MED12L: variants seen among roughly 807,000 people sequenced by gnomAD.
The protein encoded by MED12L is mediator complex subunit 12L.
Under a neutral mutation model 281.3 loss-of-function variants are expected in MED12L, and 60 were observed. The ratio of observed to expected loss-of-function variants is 0.21; its 90% CI spans 0.17 to 0.26. The LOEUF (loss-of-function observed/expected upper bound fraction) is 0.26. Ranked by LOEUF, MED12L falls within the 10% of genes least tolerant of loss-of-function variation. MED12L has a pLI of 1.00. For synonymous variants in MED12L, 974 were observed against 987.2 expected, an observed-to-expected ratio of 0.99 and a Z score of 0.25; for missense variants, 2,146 against 2,680.9, an observed-to-expected ratio of 0.80 and a Z score of 4.41.
In MED12L at chr3:151,198,947, A is replaced by G. The variant is rs1725100362; in HGVS notation, c.2250+5281A>G. ...TTTGATGGGAATCATCATATTTGGC[A>G]CCATTATAAGAAGGACCATTAGCCA... On this transcript the variant is annotated intron_variant, in intron 16 of 44. Transcript: ENST00000687756. 3 of 1,613,966 alleles carry G rather than the reference A, an allele frequency of 1.9e-6. No homozygotes were observed. In the East Asian group the frequency reaches 6.7e-5, roughly 36 times the overall value.
chr3:151,386,236 G>T (rs1223840088), intron 36 of MED12L, among the ~76,000 whole-genome samples: 1 of 152,210 alleles, frequency 6.6e-6, no homozygotes, highest in Non-Finnish European at 1.5e-5. Context: ...GTTTGAGTTT[G>T]CAGTGTCAGC....
chr3:151,285,543 A>C (rs1286232401), intron 16 of MED12L, among the ~76,000 whole-genome samples: 1 of 151,864 alleles, frequency 6.6e-6, no homozygotes, highest in African/African-American at 2.4e-5. Context: ...AAAGGATGGG[A>C]GGGGAGCCAG....
intron 16 of MED12L, among the ~76,000 whole-genome samples, chr3:151,292,822 A>C (rs1000583901): frequency 2.0e-5 from 3 of 152,128 alleles, no homozygotes; most frequent in Non-Finnish European, 4.4e-5. Context: ...GGAAGCTGTA[A>C]TTTACCTGTG....
chr3:151,435,994 ATTTTTAAAACC>A lies in MED12L; in HGVS notation c.*3198_*3208del, dbSNP rs1720139985. 6.6e-6 allele frequency: 1 copy of A among 152,202 alleles called. No homozygotes were observed. Among genetic ancestry groups the A allele is most frequent in the African/African-American group, 2.4e-5 (1 of 41,462 alleles). The allele number at this position is 152,202 out of a possible 1,614,324, so 9.4% of individuals were successfully genotyped here. ...TAAAGTTATAAAGAAGTTTCATTGT[ATTTTTAAAACC>A]TTTTTAATGGGTGTATTTGGACAAA... is the stretch of plus-strand genomic sequence containing the variant. On this transcript the variant is annotated 3_prime_UTR_variant, in exon 45 of 45. Coordinates refer to ENST00000687756, the MANE Select transcript of MED12L (RefSeq NM_001393769.1).
rs112649936 is a variant in MED12L, at chr3:151,414,364, A to G, written c.6297+1069A>G. On this transcript the variant is annotated intron_variant, in intron 42 of 44. Transcript: ENST00000687756. Reference sequence around the variant, plus strand: ...TACTACCAAGAACAGAACACCAAAAATGAGGAATCTAGTAGAGCTGGAGTG... The same window carrying G: ...TACTACCAAGAACAGAACACCAAAAGTGAGGAATCTAGTAGAGCTGGAGTG... Among the ~76,000 whole-genome samples the G allele has an allele frequency of 7.8e-3, 1,181 of 152,324 alleles. 8 individuals are homozygous for G. Among genetic ancestry groups the G allele is most frequent in the South Asian group, 0.024 (115 of 4,826 alleles).
chr3:151,267,970 T>C, intron 16 of MED12L, among the ~76,000 whole-genome samples: 1 of 152,186 alleles, frequency 6.6e-6, no homozygotes. Flanking sequence ...TATGAATTTC[T>C]CCAAATGCCA....
intron 2 of MED12L, among the ~76,000 whole-genome samples, chr3:151,109,960 A>G (rs886611373): frequency 2.6e-5 from 4 of 152,120 alleles, no homozygotes; most frequent in African/African-American, 7.2e-5. Context: ...TAGTTGCCTC[A>G]CCTTTGCAGA....
At position 151,373,664 on chromosome 3, in the gene MED12L, T is replaced by TA. The variant is rs1184163857; in HGVS notation, c.3864+898_3864+899insA. The stretch of plus-strand genomic sequence containing the variant: ...CTCCCCTGTTTATTTATTATCCATA[T>TA]GGGTTATAATATACTGTACTTAGTT... On this transcript the variant is annotated intron_variant, in intron 27 of 44. Transcript: ENST00000687756. Among the ~76,000 whole-genome samples, 60 of 152,264 alleles carry TA rather than the reference T, an allele frequency of 3.9e-4. No individual in the cohort carries two copies. In the East Asian group the frequency reaches 9.8e-3, roughly 25 times the overall value.
intron 40 of MED12L, 113 bp from the exon 41 acceptor site, chr3:151,411,165 C>G (rs184020725): frequency 6.1e-5 from 50 of 816,640 alleles, no homozygotes; most frequent in Non-Finnish European, 3.4e-5. Context: ...CCTTTGAAAA[C>G]AGTGAATTTC....
At chr3:151,092,840 A>G (rs1308564458) in intron 2 of MED12L, among the ~76,000 whole-genome samples, 1 of 152,132 alleles carries the variant, frequency 6.6e-6, no homozygotes, top group Non-Finnish European at 1.5e-5. Context: ...GTGTTCAGGG[A>G]GGAACTGATG....
chr3:151,317,713 G>A (rs1019609833), intron 16 of MED12L, among the ~76,000 whole-genome samples: 1 of 151,848 alleles, frequency 6.6e-6, no homozygotes, highest in African/African-American at 2.4e-5. Context: ...GCCTCCCAAA[G>A]TGCTGGGATT....
chr3:151,297,369 C>T (rs184254912), intron 16 of MED12L, among the ~76,000 whole-genome samples: 2 of 152,156 alleles, frequency 1.3e-5, no homozygotes, highest in African/African-American at 4.8e-5. Context: ...ATTAATTTAC[C>T]CAATTAAATG....
Position 151,292,365 on chromosome 3 carries a change from C to G in MED12L, c.2251-57694C>G, listed in dbSNP as rs181437596. 5.0e-3 allele frequency among the ~76,000 whole-genome samples: 752 copies of G among 150,854 alleles called. 12 individuals are homozygous for G. The highest frequency in any genetic ancestry group is 0.017 in the African/African-American group (701 of 40,772). On this transcript the variant is annotated intron_variant, in intron 16 of 44. Transcript: ENST00000687756. ...GCAGTGGCATGATCTTGGCTCACTG[C>G]AACCTCCCCATCTGGAGTTCAAAAG...
At chr3:151,338,948 T>G in intron 16 of MED12L, 1 of 1,158,678 alleles carries the variant, frequency 8.6e-7, no homozygotes, top group South Asian at 1.3e-5. Flanking sequence ...GGACACAGCC[T>G]CCTCTAAAAG....
intron 11 of MED12L, among the ~76,000 whole-genome samples, chr3:151,175,674 A>G (rs964634586): frequency 6.6e-6 from 1 of 152,188 alleles, no homozygotes; most frequent in East Asian, 1.9e-4. Context: ...TTCTACAACT[A>G]TTAGGTTATT....
At chr3:151,221,313 C>T (rs1258023162) in intron 16 of MED12L, among the ~76,000 whole-genome samples, 1 of 152,156 alleles carries the variant, frequency 6.6e-6, no homozygotes, top group Admixed American at 6.5e-5. Flanking sequence ...AAAGAAAATC[C>T]CATCTTCTGA....
At chr3:151,333,640 C>T (rs1750599580) in intron 16 of MED12L, among the ~76,000 whole-genome samples, 1 of 152,162 alleles carries the variant, frequency 6.6e-6, no homozygotes, top group African/African-American at 2.4e-5. Context: ...TATTTTTGAG[C>T]ATTTTTTCTA....
At chr3:151,088,575 G>C (rs1023687181) in intron 2 of MED12L, among the ~76,000 whole-genome samples, 33 of 152,258 alleles carry the variant, frequency 2.2e-4, no homozygotes, top group African/African-American at 7.9e-4. Context: ...TGATGGCTTG[G>C]GGTGCTGTGT....
chr3:151,265,719 C>T (rs767283093), intron 16 of MED12L, among the ~76,000 whole-genome samples: 6 of 152,240 alleles, frequency 3.9e-5, no homozygotes, highest in South Asian at 2.1e-4. Flanking sequence ...TCCAGGGAGA[C>T]GGATGGTGTC....
Sources: gnomAD v4.1 joint callset for allele counts (sites outside exome capture counted in the v4.1 genomes callset) on GRCh38, gnomAD v4.1.1 for gene constraint, MANE v1.5 for transcripts, NCBI Gene and HGNC (gene_info 2026-07-23, HGNC 2026-07-21) for gene names.